The following REEP3 variants were observed in gnomAD, a reference collection of about 807,000 sequenced individuals.
The protein encoded by REEP3 is receptor accessory protein 3.
Under a neutral mutation model 41.3 loss-of-function variants are expected in REEP3, and 20 were observed. The observed-to-expected ratio is 0.48, with a 90% CI of 0.34 to 0.70. REEP3 has a LOEUF of 0.70. Among genes scored for constraint, REEP3 ranks in the 30% least tolerant of loss-of-function variants. The pLI, the probability that REEP3 is intolerant of heterozygous loss-of-function variation, is 0.01. For missense variants in REEP3, 271 were observed against 308.8 expected, an observed-to-expected ratio of 0.88 and a Z score of 0.92; for synonymous variants, 104 against 101.8, an observed-to-expected ratio of 1.02 and a Z score of -0.13.
chr10:63,574,932 C>T (rs983254666), intron 2 of REEP3, among the ~76,000 whole-genome samples: 2 of 139,980 alleles, frequency 1.4e-5, no homozygotes, highest in African/African-American at 5.3e-5. Context: ...ACTTGGCTCA[C>T]GGCAACCTCT....
chr10:63,603,312 C>CAAAAAA (rs67364276), intron 5 of REEP3, among the ~76,000 whole-genome samples: 1 of 62,838 alleles, frequency 1.6e-5, no homozygotes, highest in Admixed American at 2.1e-4. Context: ...GACTCTGTCT[C>CAAAAAA]AAAAAAAAAA....
At chr10:63,523,856 G>C (rs922403067) in intron 1 of REEP3, among the ~76,000 whole-genome samples, 20 of 152,208 alleles carry the variant, frequency 1.3e-4, no homozygotes, top group African/African-American at 3.4e-4. Context: ...GGCAGCAACA[G>C]CTTTGCTTTG....
chr10:63,608,190 T>C (rs937495615), intron 5 of REEP3, among the ~76,000 whole-genome samples: 1 of 152,240 alleles, frequency 6.6e-6, no homozygotes, highest in Non-Finnish European at 1.5e-5. Flanking sequence ...GTCAACTATC[T>C]GTTTGATAAG....
intron 2 of REEP3, among the ~76,000 whole-genome samples, chr10:63,576,506 G>A (rs568837859): frequency 1.1e-4 from 17 of 152,200 alleles, no homozygotes; most frequent in African/African-American, 4.1e-4. Context: ...TCATGTCTCT[G>A]TGTGTCTATT....
chr10:63,560,511 T>C (rs531957840), intron 1 of REEP3, among the ~76,000 whole-genome samples: 2 of 152,320 alleles, frequency 1.3e-5, no homozygotes, highest in East Asian at 3.9e-4. Flanking sequence ...GTGGTTTTAT[T>C]TTTCATCTTT....
At chr10:63,556,221 T>G (rs1456003063) in intron 1 of REEP3, among the ~76,000 whole-genome samples, 3 of 152,190 alleles carry the variant, frequency 2.0e-5, no homozygotes, top group African/African-American at 7.2e-5. Flanking sequence ...GTTTAAGCGA[T>G]TCTCCTGCCT....
intron 6 of REEP3, among the ~76,000 whole-genome samples, chr10:63,613,595 A>G (rs1319416529): frequency 6.6e-6 from 1 of 152,188 alleles, no homozygotes; most frequent in Non-Finnish European, 1.5e-5. Context: ...ACAAAGCAGT[A>G]TGGTTCTAGG....
At chr10:63,597,954 G>A in intron 3 of REEP3, 70 bp from the exon 4 acceptor site, 2 of 1,363,330 alleles carry the variant, frequency 1.5e-6, no homozygotes, top group South Asian at 2.8e-5. Context: ...CTTTTTAAAA[G>A]GTGTTTTTGT....
At chr10:63,533,732 G>T in intron 1 of REEP3, among the ~76,000 whole-genome samples, 1 of 50,486 alleles carries the variant, frequency 2.0e-5, no homozygotes, top group Non-Finnish European at 5.5e-5. Flanking sequence ...TTTTGAGACG[G>T]AGTCTCGCTC....
rs1956352175 is a variant in REEP3, at chr10:63,621,383, A to G, written c.*514A>G. On this transcript the variant is annotated 3_prime_UTR_variant, in exon 8 of 8. Coordinates refer to ENST00000373758, the MANE Select transcript of REEP3 (RefSeq NM_001001330.3). ...AATACTTTCTAGTTTTTCCACCATC[A>G]GCTGAAAGTTTTTGAAACAAATATT... The G allele has an allele frequency of 6.6e-6, 1 of 152,622 alleles. No individual in the cohort carries two copies. Among genetic ancestry groups the G allele is most frequent in the Non-Finnish European group, 1.5e-5 (1 of 68,024 alleles). The allele number at this position is 152,622 out of a possible 1,614,324, so 9.5% of individuals were successfully genotyped here. A position where few individuals can be genotyped will look rare whatever the true frequency, so the allele number is the denominator to read the frequency against.
chr10:63,571,867 C>T (rs1312612142), intron 2 of REEP3, among the ~76,000 whole-genome samples: 1 of 152,188 alleles, frequency 6.6e-6, no homozygotes, highest in African/African-American at 2.4e-5. Flanking sequence ...GGTACCAGAT[C>T]AGAGATCTTC....
intron 1 of REEP3, among the ~76,000 whole-genome samples, chr10:63,564,300 G>GA (rs997825873): frequency 6.6e-6 from 1 of 152,148 alleles, no homozygotes; most frequent in Non-Finnish European, 1.5e-5. Context: ...GTAAGCACTT[G>GA]AAAAAATTTC....
chr10:63,531,945 T>C (rs754586277), intron 1 of REEP3, among the ~76,000 whole-genome samples: 3 of 152,234 alleles, frequency 2.0e-5, no homozygotes, highest in Non-Finnish European at 4.4e-5. Context: ...TATTTCAAAA[T>C]TCCTATGTTT....
chr10:63,563,639 A>G (rs921475958), intron 1 of REEP3, among the ~76,000 whole-genome samples: 3 of 152,224 alleles, frequency 2.0e-5, no homozygotes, highest in Non-Finnish European at 4.4e-5. Flanking sequence ...TGTTATTTGT[A>G]GAGAATAACT....
intron 1 of REEP3, among the ~76,000 whole-genome samples, chr10:63,538,782 T>G (rs1955499539): frequency 6.6e-6 from 1 of 152,132 alleles, no homozygotes; most frequent in African/African-American, 2.4e-5. Flanking sequence ...CATTATTAAA[T>G]GGTGAATTTT....
chr10:63,556,950 A>G (rs1955693398), intron 1 of REEP3, among the ~76,000 whole-genome samples: 1 of 151,690 alleles, frequency 6.6e-6, no homozygotes, highest in Admixed American at 6.6e-5. Context: ...TTGTTTTTTG[A>G]TCCCAGGGTC....
intron 1 of REEP3, among the ~76,000 whole-genome samples, chr10:63,533,988 A>G (rs1051222694): frequency 6.6e-6 from 1 of 151,914 alleles, no homozygotes; most frequent in Non-Finnish European, 1.5e-5. Context: ...GATTGCAGAC[A>G]TGACCCACCG....
intron 1 of REEP3, among the ~76,000 whole-genome samples, chr10:63,522,323 A>G (rs995582649): frequency 7.9e-5 from 12 of 152,070 alleles, no homozygotes; most frequent in African/African-American, 2.9e-4. Flanking sequence ...CCTTTGTTCA[A>G]ATTATGGGTT....
intron 2 of REEP3, among the ~76,000 whole-genome samples, chr10:63,593,031 G>A (rs1051820955): frequency 2.0e-5 from 3 of 151,838 alleles, no homozygotes; most frequent in Admixed American, 6.6e-5. Context: ...AGGTAGGGAG[G>A]GGCCGGGCGC....
Sources: gnomAD v4.1 joint callset for allele counts (sites outside exome capture counted in the v4.1 genomes callset) on GRCh38, gnomAD v4.1.1 for gene constraint, MANE v1.5 for transcripts, NCBI Gene and HGNC (gene_info 2026-07-23, HGNC 2026-07-21) for gene names.